COL4A3: variants seen among roughly 807,000 people sequenced by gnomAD.
COL4A3 encodes the protein collagen type IV alpha 3 chain, also known as collagen alpha-3(IV) chain.
In COL4A3, 135 loss-of-function variants were observed where a neutral mutation model predicts 217.4. The observed-to-expected ratio is 0.62, with a 90% CI of 0.54 to 0.72. The LOEUF is 0.72. Ranked by LOEUF, COL4A3 falls within the 30% of genes least tolerant of loss-of-function variation. The pLI is 0.00. For missense variants in COL4A3, 1,868 were observed against 2,119.9 expected (o/e 0.88, Z 2.33); for synonymous variants, 690 against 736.3 (o/e 0.94, Z 1.02).
chr2:227,232,480 T>C (rs10084187), intron 1 of COL4A3, among the ~76,000 whole-genome samples: 48,619 of 151,964 alleles, frequency 0.32, 8,190 homozygotes, highest in Non-Finnish European at 0.36. Flanking sequence ...CTAATTTACA[T>C]TCCCACAAAC....
At chr2:227,281,264 A>G (rs1188726688) in intron 31 of COL4A3, among the ~76,000 whole-genome samples, 1 of 152,248 alleles carries the variant, frequency 6.6e-6, no homozygotes, top group African/African-American at 2.4e-5. Flanking sequence ...TGAATGCTGA[A>G]GACAGAGATT....
chr2:227,297,824 G>A lies in COL4A3; in HGVS notation c.3716G>A (p.Gly1239Glu), dbSNP rs2106247510. 2 of 1,565,428 alleles carry A rather than the reference G, an allele frequency of 1.3e-6. No individual in the cohort carries two copies. The highest frequency in any genetic ancestry group is 8.7e-7 in the Non-Finnish European group (1 of 1,154,182). The change falls in exon 42 of 52, where the codon GGA (glycine) becomes GAA (glutamate). Residue 1239 changes from glycine (G) to glutamate (E), a missense_variant. By Grantham distance (98) the Gly-to-Glu change is moderately conservative. Transcript: ENST00000396578. Reference sequence around the variant, plus strand: ...GGTGCAATTATCCCTGGCCAGACAGGAAATCGTGGTCCACCAGGCTCAAGA... The same window carrying A: ...GGTGCAATTATCCCTGGCCAGACAGAAAATCGTGGTCCACCAGGCTCAAGA... Reference protein sequence around the residue: ...LPGAIIPGQTGNRGPPGSRGS... With the variant: ...LPGAIIPGQTENRGPPGSRGS...
At chr2:227,235,053 T>C (rs1317268213) in intron 1 of COL4A3, among the ~76,000 whole-genome samples, 1 of 152,130 alleles carries the variant, frequency 6.6e-6, no homozygotes, top group Non-Finnish European at 1.5e-5. Context: ...TCTTGTACCC[T>C]TGGGTGAAGG....
chr2:227,247,429 T>C, intron 7 of COL4A3, 129 bp from the exon 8 acceptor site: 1 of 843,908 alleles, frequency 1.2e-6, no homozygotes, highest in Non-Finnish European at 2.1e-6. Context: ...GGGAAGACTT[T>C]GCTTTGTAAG....
rs59762797 is a variant in COL4A3, at chr2:227,197,713, T to G, written c.87+32900T>G. Among the ~76,000 whole-genome samples the G allele has an allele frequency of 6.8e-3, 1,032 of 152,280 alleles. 12 individuals are homozygous for G. The highest frequency in any genetic ancestry group is 0.024 in the African/African-American group (987 of 41,548). ...TTCTCACAACACATACACACCTATC[T>G]TGGAAAAGTGGAAATGGAAACAAGA... On this transcript the variant is annotated intron_variant, in intron 1 of 51. Coordinates refer to ENST00000396578, the MANE Select transcript of COL4A3 (RefSeq NM_000091.5).
chr2:227,204,669 A>C (rs1050964568), intron 1 of COL4A3, among the ~76,000 whole-genome samples: 1 of 152,194 alleles, frequency 6.6e-6, no homozygotes, highest in Non-Finnish European at 1.5e-5. Context: ...ACAAGTACCA[A>C]GTAGCCAGGG....
chr2:227,262,953 C>T (rs1003142819), intron 20 of COL4A3, among the ~76,000 whole-genome samples: 10 of 152,074 alleles, frequency 6.6e-5, no homozygotes, highest in African/African-American at 2.4e-4. Context: ...ATGTACTCAA[C>T]ACAGAAATGA....
At chr2:227,208,799 CACACACAT>C (rs1409211194) in intron 1 of COL4A3, among the ~76,000 whole-genome samples, 3 of 105,470 alleles carry the variant, frequency 2.8e-5, no homozygotes, top group East Asian at 4.2e-4. Flanking sequence ...CACACACACA[CACACACAT>C]ATATACAGAA....
intron 30 of COL4A3, 73 bp from the exon 31 acceptor site, chr2:227,280,820 A>C: frequency 8.3e-7 from 1 of 1,200,068 alleles, no homozygotes; most frequent in Non-Finnish European, 1.2e-6. Flanking sequence ...AGTTAACAGA[A>C]GAATGACTGG....
chr2:227,255,050 C>A (rs2070066991), intron 15 of COL4A3, among the ~76,000 whole-genome samples: 1 of 152,162 alleles, frequency 6.6e-6, no homozygotes, highest in African/African-American at 2.4e-5. Context: ...CAGACAACTT[C>A]AGGCTAATGG....
At chr2:227,218,620 C>T (rs1007284774) in intron 1 of COL4A3, among the ~76,000 whole-genome samples, 1 of 152,186 alleles carries the variant, frequency 6.6e-6, no homozygotes, top group African/African-American at 2.4e-5. Context: ...AGCAAGCTAT[C>T]AAGGTGTCTG....
chr2:227,215,788 C>G (rs2067508621), intron 1 of COL4A3, among the ~76,000 whole-genome samples: 1 of 152,106 alleles, frequency 6.6e-6, no homozygotes, highest in South Asian at 2.1e-4. Flanking sequence ...CAGATTTATC[C>G]TCCCTCAGTT....
intron 1 of COL4A3, among the ~76,000 whole-genome samples, chr2:227,166,416 G>A (rs1421521208): frequency 6.6e-6 from 1 of 152,178 alleles, no homozygotes; most frequent in African/African-American, 2.4e-5. Context: ...GAGATCCAGA[G>A]CAGGGTTTGC....
intron 37 of COL4A3, among the ~76,000 whole-genome samples, chr2:227,292,163 C>T (rs1417020692): frequency 6.6e-6 from 1 of 152,164 alleles, no homozygotes; most frequent in Non-Finnish European, 1.5e-5. Context: ...GGAACCTTCT[C>T]CCTCTTTTTG....
chr2:227,222,864 T>C (rs1359521404), intron 1 of COL4A3, among the ~76,000 whole-genome samples: 5 of 152,116 alleles, frequency 3.3e-5, no homozygotes, highest in Non-Finnish European at 5.9e-5. Context: ...GCTGGGGATA[T>C]AGGGGACACA....
intron 1 of COL4A3, among the ~76,000 whole-genome samples, chr2:227,227,375 T>TCA (rs2068156221): frequency 6.6e-6 from 1 of 152,022 alleles, no homozygotes; most frequent in African/African-American, 2.4e-5. Flanking sequence ...GGTGGGTGGA[T>TCA]CACTTGAGCT....
intron 1 of COL4A3, among the ~76,000 whole-genome samples, chr2:227,235,269 G>C (rs148076295): frequency 6.3e-4 from 96 of 152,288 alleles, no homozygotes; most frequent in African/African-American, 2.2e-3. Flanking sequence ...AAAAGATGTG[G>C]TTGAAAAGAG....
chr2:227,280,737 CT>C, intron 30 of COL4A3, 147 bp downstream of exon 30: 2 of 1,132,888 alleles, frequency 1.8e-6, no homozygotes, highest in Non-Finnish European at 2.7e-6. Flanking sequence ...TTCCTTCCTT[CT>C]TTTTTAATGA....
intron 1 of COL4A3, among the ~76,000 whole-genome samples, chr2:227,230,600 C>CA (rs966515819): frequency 5.9e-5 from 9 of 151,570 alleles, no homozygotes; most frequent in African/African-American, 2.2e-4. Context: ...CATAGTGTTT[C>CA]AAAAAAATGG....
Sources: gnomAD v4.1 joint callset for allele counts (sites outside exome capture counted in the v4.1 genomes callset) on GRCh38, gnomAD v4.1.1 for gene constraint, MANE v1.5 for transcripts, NCBI Gene and HGNC (gene_info 2026-07-23, HGNC 2026-07-21) for gene names.